Variants in ZNF365 observed in about 807,000 individuals in gnomAD.
The protein encoded by ZNF365 is protein ZNF365.
ZNF365 carries 22 observed loss-of-function variants against 35.0 expected under a neutral mutation model. That is an observed-to-expected ratio of 0.63 (90% CI 0.45 to 0.90). ZNF365 has a LOEUF of 0.90. Ranked by LOEUF, ZNF365 falls within the 40% of genes least tolerant of loss-of-function variation. ZNF365 has a pLI of 0.00. For missense variants in ZNF365, 448 were observed against 500.3 expected, an observed-to-expected ratio of 0.90 and a Z score of 1.00; for synonymous variants, 188 against 196.2, an observed-to-expected ratio of 0.96 and a Z score of 0.35.
chr10:62,416,944 G>T (rs1840085215), intron 3 of ZNF365, among the ~76,000 whole-genome samples: 1 of 151,942 alleles, frequency 6.6e-6, no homozygotes, highest in South Asian at 2.1e-4. Flanking sequence ...ACTAATTAAA[G>T]GGCCCTTGAA....
chr10:62,437,915 A>G (rs1296774961), intron 3 of ZNF365, among the ~76,000 whole-genome samples: 1 of 152,106 alleles, frequency 6.6e-6, no homozygotes, highest in African/African-American at 2.4e-5. Flanking sequence ...ATTTGGTTTG[A>G]TGAGTTTTAT....
In ZNF365 at chr10:62,400,472, G is replaced by A. The variant is rs148627158; in HGVS notation, c.*683G>A. 4.8e-3 allele frequency: 4,742 copies of A among 985,948 alleles called. 8 individuals are homozygous for A. Among genetic ancestry groups the A allele is most frequent in the Middle Eastern group, 6.8e-3 (13 of 1,914 alleles). The allele number at this position is 985,948 out of a possible 1,614,324, so 61.1% of individuals were successfully genotyped here. A position where few individuals can be genotyped will look rare whatever the true frequency, so the allele number is the denominator to read the frequency against. On this transcript the variant is annotated 3_prime_UTR_variant, in exon 5 of 5. Coordinates refer to ENST00000395254, the MANE Select transcript of ZNF365 (RefSeq NM_014951.3). ...ATTCAGATTTTGGTACACCTCTGCC[G>A]TCTTCTTTGGCTGAGTATTCTGCAC...
intron 4 of ZNF365, among the ~76,000 whole-genome samples, chr10:62,470,774 T>A (rs1841020458): frequency 6.6e-6 from 1 of 152,170 alleles, no homozygotes; most frequent in African/African-American, 2.4e-5. Flanking sequence ...TTAGTAAAAT[T>A]AGCTTGTGTG....
intron 3 of ZNF365, 45 bp from the exon 4 acceptor site, chr10:62,398,695 G>A (rs1397669135): frequency 2.5e-6 from 4 of 1,577,302 alleles, no homozygotes; most frequent in Non-Finnish European, 3.5e-6. Context: ...ACCAAATCCA[G>A]TCCTCAAATG....
intron 2 of ZNF365, among the ~76,000 whole-genome samples, chr10:62,382,709 A>C (rs1589427119): frequency 6.6e-6 from 1 of 152,256 alleles, no homozygotes; most frequent in East Asian, 1.9e-4. Context: ...TGCCGGAAAG[A>C]GAGCGCAGGA....
intron 3 of ZNF365, among the ~76,000 whole-genome samples, chr10:62,436,560 A>ATTAT (rs1367914990): frequency 6.6e-6 from 1 of 152,242 alleles, no homozygotes; most frequent in African/African-American, 2.4e-5. Context: ...AATTAGGTTC[A>ATTAT]TTATTTCATT....
intron 3 of ZNF365, among the ~76,000 whole-genome samples, chr10:62,448,868 A>G (rs937667324): frequency 6.8e-6 from 1 of 146,364 alleles, no homozygotes; most frequent in Non-Finnish European, 1.5e-5. Context: ...TAACCTCAAT[A>G]TTAAAAGTAT....
chr10:62,388,507 G>T lies in ZNF365; in HGVS notation c.855G>T (p.Ala285=). 1 of 1,614,162 alleles carries T rather than the reference G, an allele frequency of 6.2e-7. No homozygotes were observed. Among genetic ancestry groups the T allele is most frequent in the Non-Finnish European group, 8.5e-7 (1 of 1,180,030 alleles). The change falls in exon 3 of 5, where the codon GCG becomes GCT. Residue 285 remains alanine (A), a synonymous_variant. Coordinates refer to ENST00000395254, the MANE Select transcript of ZNF365 (RefSeq NM_014951.3). ...IENLLQRVEL[A]EKQLEYYQSQ... ...ATCTGTTACAGCGGGTAGAACTGGCGGAGAAGCAGCTTGAGTACTATCAGA... is the reference window on the plus strand; with the variant it reads ...ATCTGTTACAGCGGGTAGAACTGGCTGAGAAGCAGCTTGAGTACTATCAGA...
intron 3 of ZNF365, among the ~76,000 whole-genome samples, chr10:62,459,066 T>C (rs894090113): frequency 2.6e-5 from 4 of 152,254 alleles, no homozygotes; most frequent in African/African-American, 9.6e-5. Context: ...TTGTTACTGT[T>C]AGTACTATGT....
At chr10:62,419,397 T>C (rs10822001) in intron 3 of ZNF365, among the ~76,000 whole-genome samples, 92,834 of 151,296 alleles carry the variant, frequency 0.61, 29,141 homozygotes, top group East Asian at 0.84. Context: ...AAAGGGTTTA[T>C]TTGAGCCAAA....
At chr10:62,421,123 A>AG (rs2132447720) in intron 3 of ZNF365, among the ~76,000 whole-genome samples, 1 of 152,246 alleles carries the variant, frequency 6.6e-6, no homozygotes, top group Non-Finnish European at 1.5e-5. Flanking sequence ...TATACTGGAA[A>AG]AATATGTATT....
chr10:62,384,536 G>T (rs908826427), intron 2 of ZNF365, among the ~76,000 whole-genome samples: 2 of 152,186 alleles, frequency 1.3e-5, no homozygotes, highest in African/African-American at 4.8e-5. Flanking sequence ...AAGTTTATGT[G>T]TGGCTTCATA....
chr10:62,476,661 T>G lies in ZNF365; in HGVS notation c.982-3215T>G, dbSNP rs76667387. Among the ~76,000 whole-genome samples, 592 of 152,346 alleles carry G rather than the reference T, an allele frequency of 3.9e-3. 5 individuals are homozygous for G. Among genetic ancestry groups the G allele is most frequent in the African/African-American group, 0.014 (575 of 41,570 alleles). ...TCTCTAATTCTTCTTCCATAGAAGTTCTAGAGAAAAAAGTGAAATGCATAA... is the reference window on the plus strand; with the variant it reads ...TCTCTAATTCTTCTTCCATAGAAGTGCTAGAGAAAAAAGTGAAATGCATAA... On this transcript the variant is annotated intron_variant, in intron 4 of 4. Transcript: ENST00000395255.
intron 3 of ZNF365, among the ~76,000 whole-genome samples, chr10:62,425,225 C>T (rs1202983204): frequency 6.6e-6 from 1 of 151,788 alleles, no homozygotes; most frequent in Non-Finnish European, 1.5e-5. Context: ...GATAACCTTC[C>T]TAGATAAGAC....
At chr10:62,480,023 A>G (rs527377948) in exon 5 of ZNF365, 5 of 1,472,120 alleles carry the variant, frequency 3.4e-6, no homozygotes, top group African/African-American at 2.8e-5. Flanking sequence ...CAGGAACTTT[A>G]CAAGAAACTT....
In ZNF365 at chr10:62,400,300, C is replaced by T. The variant is rs967047697; in HGVS notation, c.*511C>T. The T allele has an allele frequency of 5.1e-6, 5 of 986,690 alleles. No individual in the cohort carries two copies. The highest frequency in any genetic ancestry group is 1.7e-5 in the African/African-American group (1 of 57,238). The allele number at this position is 986,690 out of a possible 1,614,324, so 61.1% of individuals were successfully genotyped here. ...TGAAAGCCTCCAAAATAAGGATTCC[C>T]ATTCCCCGAGTATTCTGGTTAATCA... On this transcript the variant is annotated 3_prime_UTR_variant, in exon 5 of 5. Coordinates refer to ENST00000395254, the MANE Select transcript of ZNF365 (RefSeq NM_014951.3).
At chr10:62,453,139 T>A (rs555659012) in intron 3 of ZNF365, among the ~76,000 whole-genome samples, 16 of 151,030 alleles carry the variant, frequency 1.1e-4, no homozygotes, top group Non-Finnish European at 2.1e-4. Flanking sequence ...CTTTAAAAAA[T>A]TTTTTAAATA....
intron 3 of ZNF365, among the ~76,000 whole-genome samples, chr10:62,444,924 C>T (rs987017718): frequency 3.3e-5 from 5 of 151,978 alleles, no homozygotes; most frequent in Admixed American, 6.6e-5. Context: ...ATCCCTCCCC[C>T]CTCTCCCCAC....
At chr10:62,398,922 A>C in intron 4 of ZNF365, 145 bp downstream of exon 4, 2 of 744,970 alleles carry the variant, frequency 2.7e-6, no homozygotes, top group Non-Finnish European at 4.3e-6. Context: ...ACTGACCTGC[A>C]TGTGTATCTA....
Sources: gnomAD v4.1 joint callset for allele counts (sites outside exome capture counted in the v4.1 genomes callset) on GRCh38, gnomAD v4.1.1 for gene constraint, MANE v1.5 for transcripts, NCBI Gene and HGNC (gene_info 2026-07-23, HGNC 2026-07-21) for gene names.